Variants in PCDHGA11 observed in about 807,000 individuals in gnomAD.
PCDHGA11 encodes the protein protocadherin gamma subfamily A, 11, also known as protocadherin gamma-A11.
Under a neutral mutation model 60.4 loss-of-function variants are expected in PCDHGA11, and 39 were observed. The observed-to-expected ratio is 0.65, with a 90% confidence interval of 0.50 to 0.84. PCDHGA11 has a LOEUF of 0.84. Ranked by LOEUF, PCDHGA11 falls within the 40% of genes least tolerant of loss-of-function variation. The probability of loss-of-function intolerance (pLI) is 0.00; values close to 1 mark genes in which losing one functional copy is unlikely to be tolerated. For missense variants in PCDHGA11, 1,165 were observed against 1,197.7 expected, an observed-to-expected ratio of 0.97 and a Z score of 0.40; for synonymous variants, 533 against 510.3, an observed-to-expected ratio of 1.04 and a Z score of -0.60.
intron 1 of PCDHGA11, among the ~76,000 whole-genome samples, chr5:141,460,764 G>A (rs2098996981): frequency 6.6e-6 from 1 of 150,516 alleles, no homozygotes; most frequent in Admixed American, 6.7e-5. Flanking sequence ...TATACATATT[G>A]CATATGTATG....
At position 141,503,509 on chromosome 5, in the gene PCDHGA11, G is replaced by A. The variant is rs373282648; in HGVS notation, c.2493-1884G>A. ...AGCTGCTCAAGAGGCTGAGGCAGGA[G>A]AATCACTTGAACCTGGGAGGCAGAG... On this transcript the variant is annotated intron_variant, in intron 2 of 3. Transcript: ENST00000398587. Among the ~76,000 whole-genome samples the A allele has an allele frequency of 9.4e-5, 14 of 149,410 alleles. No individual in the cohort carries two copies. The South Asian group carries it at 1.5e-3, about 16-fold the overall frequency.
chr5:141,499,486 C>T (rs569172977), intron 2 of PCDHGA11, among the ~76,000 whole-genome samples: 3 of 152,284 alleles, frequency 2.0e-5, no homozygotes, highest in East Asian at 1.9e-4. Context: ...CCACCAACTA[C>T]AGTTTAATAT....
intron 1 of PCDHGA11, among the ~76,000 whole-genome samples, chr5:141,488,713 C>A (rs1165389103): frequency 6.6e-6 from 1 of 152,184 alleles, no homozygotes; most frequent in Non-Finnish European, 1.5e-5. Context: ...CTGGTTCAAG[C>A]AAAGTGGTGG....
Position 141,423,644 on chromosome 5 carries a change from A to G in PCDHGA11, c.2417A>G (p.Asp806Gly). ...EDSAIILGKC[D>G]PTSNQQAPPN... is the part of the protein sequence containing the mutation. ...TCAGCTATCATTTTAGGCAAATGTG[A>G]CCCGACAAGTAATCAGGTGAGATTT... Residue 806 changes from aspartate to glycine, a missense_variant, in exon 1 of 4, where the codon GAC becomes GGC. Coordinates refer to ENST00000398587, the MANE Select transcript of PCDHGA11 (RefSeq NM_018914.3). The G allele has an allele frequency of 6.3e-7, 1 of 1,592,866 alleles. No homozygotes were observed. Among genetic ancestry groups the G allele is most frequent in the South Asian group, 1.1e-5 (1 of 87,480 alleles).
intron 1 of PCDHGA11, among the ~76,000 whole-genome samples, chr5:141,455,808 A>G (rs2098832210): frequency 6.6e-6 from 1 of 152,050 alleles, no homozygotes; most frequent in Non-Finnish European, 1.5e-5. Flanking sequence ...TAAAAAATGA[A>G]AACTTCCCAA....
Position 141,491,402 on chromosome 5 carries a change from C to T in PCDHGA11, c.2434-3405C>T. 1 of 1,614,156 alleles carries T rather than the reference C, an allele frequency of 6.2e-7. No individual in the cohort carries two copies. Among genetic ancestry groups the T allele is most frequent in the Non-Finnish European group, 8.5e-7 (1 of 1,180,022 alleles). ...TCAGCGAAGTGCCTTCAGGGAAACG[C>T]AGACGGGGACGGGGGTGGAGGGCAG... On this transcript the variant is annotated intron_variant, in intron 1 of 3. Transcript: ENST00000398587. The surrounding 1 kb of genome is among the most constrained non-coding windows in gnomAD (Gnocchi z 6.9).
Position 141,490,888 on chromosome 5 carries a change from C to G in PCDHGA11, c.2434-3919C>G. The G allele has an allele frequency of 1.2e-6, 2 of 1,613,358 alleles. No individual in the cohort carries two copies. The highest frequency in any genetic ancestry group is 1.7e-6 in the Non-Finnish European group (2 of 1,179,390). On this transcript the variant is annotated intron_variant, in intron 1 of 3. Transcript: ENST00000398587. This position sits in a 1 kb window ranked among gnomAD's most constrained non-coding sequence, Gnocchi z 5.4. Reference sequence around the variant, plus strand: ...TCCCCCATTGCATGCCAACACATCTCTGCATGTGTTTGTCCTAGACGAGAA... The same window carrying G: ...TCCCCCATTGCATGCCAACACATCTGTGCATGTGTTTGTCCTAGACGAGAA...
intron 1 of PCDHGA11, chr5:141,427,734 C>A (rs2097062807): frequency 1.7e-6 from 2 of 1,207,418 alleles, no homozygotes; most frequent in Non-Finnish European, 2.4e-6. Flanking sequence ...GCTGAATGGC[C>A]AAGTCTCCTA....
rs2097456240 is a variant in PCDHGA11, at chr5:141,432,134, G to T, written c.2433+8474G>T. 3 of 1,613,756 alleles carry T rather than the reference G, an allele frequency of 1.9e-6. No individual in the cohort carries two copies. The highest frequency in any genetic ancestry group is 1.3e-5 in the African/African-American group (1 of 74,800). On this transcript the variant is annotated intron_variant, in intron 1 of 3. Coordinates refer to ENST00000398587, the MANE Select transcript of PCDHGA11 (RefSeq NM_018914.3). This position sits in a 1 kb window ranked among gnomAD's most constrained non-coding sequence, Gnocchi z 6.0. The stretch of plus-strand genomic sequence containing the variant: ...GGTCTTCCCTCAGGCCTCCTATTCC[G>T]CTTATATCCCAGAGAACAATCCCAG...
intron 1 of PCDHGA11, among the ~76,000 whole-genome samples, chr5:141,456,584 A>G (rs990911693): frequency 6.6e-6 from 1 of 152,212 alleles, no homozygotes; most frequent in Non-Finnish European, 1.5e-5. Flanking sequence ...TGAGCCTGTC[A>G]ATAATTTTGA....
At position 141,476,565 on chromosome 5, in the gene PCDHGA11, C is replaced by A; in HGVS notation, c.2434-18242C>A. 1 of 1,614,184 alleles carries A rather than the reference C, an allele frequency of 6.2e-7. No homozygotes were observed. ...TTGGAGATTAGCGAGGCCGTGGCTC[C>A]GGGGACGCGCTTTCCGCTCGAGAGC... On this transcript the variant is annotated intron_variant, in intron 1 of 3. Coordinates refer to ENST00000398587, the MANE Select transcript of PCDHGA11 (RefSeq NM_018914.3). The surrounding 1 kb of genome is among the most constrained non-coding windows in gnomAD (Gnocchi z 7.6).
At chr5:141,448,948 A>AAAAC (rs1237948751) in intron 1 of PCDHGA11, among the ~76,000 whole-genome samples, 2 of 152,170 alleles carry the variant, frequency 1.3e-5, no homozygotes, top group African/African-American at 2.4e-5. Flanking sequence ...GCAACTCAAA[A>AAAAC]AAACAAACAA....
Position 141,477,968 on chromosome 5 carries a change from C to T in PCDHGA11, c.2434-16839C>T. 6.2e-7 allele frequency: 1 copy of T among 1,614,140 alleles called. No individual in the cohort carries two copies. Among genetic ancestry groups the T allele is most frequent in the Non-Finnish European group, 8.5e-7 (1 of 1,180,042 alleles). The stretch of plus-strand genomic sequence containing the variant: ...TCTCTTGGGATCCCCTAACCAGAGC[C>T]TTTTTGCCATAGGGCTGCACACTGG... On this transcript the variant is annotated intron_variant, in intron 1 of 3. Transcript: ENST00000398587. The surrounding 1 kb of genome is among the most constrained non-coding windows in gnomAD (Gnocchi z 4.9).
At position 141,436,830 on chromosome 5, in the gene PCDHGA11, T is replaced by C. The variant is rs1054296892; in HGVS notation, c.2433+13170T>C. On this transcript the variant is annotated intron_variant, in intron 1 of 3. Coordinates refer to ENST00000398587, the MANE Select transcript of PCDHGA11 (RefSeq NM_018914.3). ...TGACAGCTGGTTTAAAAATCTTAAGTGCCTAGGCACATTCTTGATTGAGAA... is the reference window on the plus strand; with the variant it reads ...TGACAGCTGGTTTAAAAATCTTAAGCGCCTAGGCACATTCTTGATTGAGAA... Among the ~76,000 whole-genome samples, 37 of 152,252 alleles carry C rather than the reference T, an allele frequency of 2.4e-4. 1 individual carries two copies.
At chr5:141,482,675 A>G (rs1258898440) in intron 1 of PCDHGA11, among the ~76,000 whole-genome samples, 1 of 149,114 alleles carries the variant, frequency 6.7e-6, no homozygotes, top group African/African-American at 2.5e-5. Context: ...AAGGTTGAGT[A>G]GTAGCTTGTC....
At chr5:141,484,347 T>C (rs569724902) in intron 1 of PCDHGA11, among the ~76,000 whole-genome samples, 2 of 152,302 alleles carry the variant, frequency 1.3e-5, no homozygotes, top group East Asian at 1.9e-4. Flanking sequence ...AATGGTAATT[T>C]AGTGTATCTA....
rs1360364370 is a variant in PCDHGA11, at chr5:141,491,814, G to A, written c.2434-2993G>A. 1 of 1,486,114 alleles carries A rather than the reference G, an allele frequency of 6.7e-7. No individual in the cohort carries two copies. The allele number at this position is 1,486,114 out of a possible 1,614,324, so 92.1% of individuals were successfully genotyped here. On this transcript the variant is annotated intron_variant, in intron 1 of 3. Transcript: ENST00000398587. This position sits in a 1 kb window ranked among gnomAD's most constrained non-coding sequence, Gnocchi z 6.9. ...TCCTCTCCGGCCGGCTTGGTCGCTGGCTGCGCTCCACCCGATTCTCGGGAT... is the reference window on the plus strand; with the variant it reads ...TCCTCTCCGGCCGGCTTGGTCGCTGACTGCGCTCCACCCGATTCTCGGGAT...
chr5:141,463,653 G>A (rs1378583183), intron 1 of PCDHGA11, among the ~76,000 whole-genome samples: 2 of 151,764 alleles, frequency 1.3e-5, no homozygotes, highest in Admixed American at 6.6e-5. Context: ...GGGTTTCACC[G>A]TGTTAGCCAG....
At chr5:141,452,411 A>G (rs965622061) in intron 1 of PCDHGA11, among the ~76,000 whole-genome samples, 8 of 152,200 alleles carry the variant, frequency 5.3e-5, no homozygotes, top group African/African-American at 1.9e-4. Context: ...GGTGTGAGGT[A>G]TGCTCACTGC....
Sources: gnomAD v4.1 joint callset for allele counts (sites outside exome capture counted in the v4.1 genomes callset) on GRCh38, gnomAD v4.1.1 for gene constraint, Gnocchi (gnomAD v3.1) non-coding constraint, MANE v1.5 for transcripts, NCBI Gene and HGNC (gene_info 2026-07-23, HGNC 2026-07-21) for gene names.